The following C1QTNF8 variants were observed in gnomAD, a reference collection of about 807,000 sequenced individuals.
The protein encoded by C1QTNF8 is complement C1q tumor necrosis factor-related protein 8.
A neutral mutation model predicts 19.2 loss-of-function variants in C1QTNF8; 27 were observed. The observed-to-expected ratio is 1.41, with a 90% CI of 1.04 to 1.94. The LOEUF is 1.94. Ranked by LOEUF, C1QTNF8 falls within the 30% of genes most tolerant of loss-of-function variation. The pLI is 0.00. For missense variants in C1QTNF8, 484 were observed against 374.4 expected (o/e 1.29, Z -2.42); for synonymous variants, 208 against 172.8 (o/e 1.20, Z -1.60).
chr16:1,092,332 C>A (rs545402047), intron 4 of C1QTNF8, among the ~76,000 whole-genome samples: 11 of 146,156 alleles, frequency 7.5e-5, no homozygotes, highest in East Asian at 2.1e-4. Flanking sequence ...TCAATCAATC[C>A]CTGCACACAG....
chr16:1,091,801 G>T (rs964076615), intron 4 of C1QTNF8, among the ~76,000 whole-genome samples: 1 of 152,090 alleles, frequency 6.6e-6, no homozygotes, highest in Non-Finnish European at 1.5e-5. Flanking sequence ...GCTCAGCCGC[G>T]TGTTTCCTGC....
intron 3 of C1QTNF8, chr16:1,094,456 T>C (rs1960641611): frequency 2.1e-6 from 1 of 482,754 alleles, no homozygotes; most frequent in South Asian, 3.4e-5. Flanking sequence ...GGCTGCTACT[T>C]TGGGGATCTC....
In C1QTNF8 at chr16:1,090,481, A is replaced by G. The variant is rs197059; in HGVS notation, c.*118T>C. ...GTTCTGCAGACTCTGGCCGGGCCTCAGAGCACCATCTCCCAAGGGCAGGGC... is the reference window on the plus strand; with the variant it reads ...GTTCTGCAGACTCTGGCCGGGCCTCGGAGCACCATCTCCCAAGGGCAGGGC... On this transcript the variant is annotated 3_prime_UTR_variant, in exon 5 of 5. Coordinates refer to ENST00000328449, the MANE Select transcript of C1QTNF8 (RefSeq NM_207419.3). 1 allele frequency: 152,392 copies of G among 152,426 alleles called. 76,179 individuals carry two copies. Among genetic ancestry groups the G allele is most frequent in the Middle Eastern group, 1 (294 of 294 alleles). The allele number at this position is 152,426 out of a possible 1,614,324, so 9.4% of individuals were successfully genotyped here. A position where few individuals can be genotyped will look rare whatever the true frequency, so the allele number is the denominator to read the frequency against.
At chr16:1,092,502 TGCACACAGTCGGCGCTCAACCAATCACA>T (rs1960570628) in intron 4 of C1QTNF8, among the ~76,000 whole-genome samples, 2 of 132,226 alleles carry the variant, frequency 1.5e-5, no homozygotes. Context: ...AACCAATCCC[TGCACACAGTCGGCGCTCAACCAATCACA>T]GCACACAGTC....
In C1QTNF8 at chr16:1,093,933, G is replaced by T; in HGVS notation, c.327C>A (p.Gly109=). The part of the protein sequence containing the change: ...RGQKGQVGPP[G]AACRRAYAAF... ...CGGCGTAGGCACGTCGGCACGCGGC[G>T]CCCGGCGGCCCCACCTGCCCCTTCT... is the stretch of plus-strand genomic sequence containing the variant. Residue 109 remains glycine (G), a synonymous_variant, in exon 4 of 5, where the codon GGC becomes GGA. Transcript: ENST00000328449. 1.3e-6 allele frequency: 2 copies of T among 1,500,078 alleles called. No individual in the cohort carries two copies. The highest frequency in any genetic ancestry group is 1.8e-6 in the Non-Finnish European group (2 of 1,135,646). The allele number at this position is 1,500,078 out of a possible 1,614,324, so 92.9% of individuals were successfully genotyped here.
In C1QTNF8 at chr16:1,095,320, T is replaced by C. The variant is rs552855143; in HGVS notation, c.-12+295A>G. On this transcript the variant is annotated intron_variant, in intron 2 of 4. Transcript: ENST00000328449. ...CAGAGCCCTGGGGCGTGGTGGCTGG[T>C]CTGCTCCAGGGAAAGGCCCCCCAAG... is the stretch of plus-strand genomic sequence containing the variant. Among the ~76,000 whole-genome samples, 46 of 152,266 alleles carry C rather than the reference T, an allele frequency of 3.0e-4. 1 individual carries two copies. The highest frequency in any genetic ancestry group is 1.1e-3 in the African/African-American group (45 of 41,562).
rs1199868731 is a variant in C1QTNF8 at position 1,089,972 on chromosome 16, C to T, written c.*627G>A. 1.3e-5 allele frequency: 2 copies of T among 152,474 alleles called. No homozygotes were observed. Among genetic ancestry groups the T allele is most frequent in the East Asian group, 3.9e-4 (2 of 5,180 alleles). 9.4% of individuals were successfully genotyped at this position (152,474 alleles called of 1,614,324 possible). ...CCAGGAGCAGACTCAGGCCCTGGGCCAAAGTGCAGCCTGAGGCCCCGCCCA... is the reference window on the plus strand; with the variant it reads ...CCAGGAGCAGACTCAGGCCCTGGGCTAAAGTGCAGCCTGAGGCCCCGCCCA... On this transcript the variant is annotated 3_prime_UTR_variant, in exon 5 of 5. Coordinates refer to ENST00000328449, the MANE Select transcript of C1QTNF8 (RefSeq NM_207419.3).
rs1206684396 is a variant in C1QTNF8, at chr16:1,088,830, A to G, written c.*1769T>C. ...GCCCGCCTGACCCCTGCTGCTTCTTAGTATCCGCAGCTGCAACTACCTATA... is the reference window on the plus strand; with the variant it reads ...GCCCGCCTGACCCCTGCTGCTTCTTGGTATCCGCAGCTGCAACTACCTATA... On this transcript the variant is annotated 3_prime_UTR_variant, in exon 5 of 5. Transcript: ENST00000328449. Among the ~76,000 whole-genome samples the G allele has an allele frequency of 2.9e-5, 1 of 34,958 alleles. No individual in the cohort carries two copies. Among genetic ancestry groups the G allele is most frequent in the Non-Finnish European group, 6.0e-5 (1 of 16,532 alleles). 22.9% of individuals were successfully genotyped at this position (34,958 alleles called of 152,430 possible).
At position 1,094,021 on chromosome 16, in the gene C1QTNF8, C is replaced by G. The variant is rs760589710; in HGVS notation, c.239G>C (p.Arg80Pro). Reference sequence around the variant, plus strand: ...CCCCTCTTTCCCGCTCCTGCCGGCCCGACCTCGGACGCCGGCCTCACCCTT... The same window carrying G: ...CCCCTCTTTCCCGCTCCTGCCGGCCGGACCTCGGACGCCGGCCTCACCCTT... ...GEKGEAGVRGRAGRSGKEGPP... is the reference protein window; with the variant it reads ...GEKGEAGVRGPAGRSGKEGPP... Residue 80 changes from arginine to proline, a missense_variant, in exon 4 of 5, where the codon CGG (arginine) becomes CCG (proline). By Grantham distance (103) the Arg-to-Pro change is moderately radical. Coordinates refer to ENST00000328449, the MANE Select transcript of C1QTNF8 (RefSeq NM_207419.3). The G allele has an allele frequency of 2.7e-6, 4 of 1,477,210 alleles. No homozygotes were observed. Among genetic ancestry groups the G allele is most frequent in the Non-Finnish European group, 3.5e-6 (4 of 1,131,172 alleles). 91.5% of individuals were successfully genotyped at this position (1,477,210 alleles called of 1,614,324 possible).
intron 4 of C1QTNF8, among the ~76,000 whole-genome samples, chr16:1,091,198 G>A (rs55828954): frequency 0.08 from 12,224 of 152,172 alleles, 665 homozygotes; most frequent in Middle Eastern, 0.17. Flanking sequence ...TCATCTGTTC[G>A]GCACCCATGG....
At position 1,093,941 on chromosome 16, in the gene C1QTNF8, GC is replaced by G; in HGVS notation, c.318del (p.Pro107ArgfsTer37). On this transcript the variant is annotated frameshift_variant, in exon 4 of 5. Coordinates refer to ENST00000328449, the MANE Select transcript of C1QTNF8 (RefSeq NM_207419.3). LOFTEE classifies it high-confidence loss of function. ...GCACGTCGGCACGCGGCGCCCGGCG[GC>G]CCCACCTGCCCCTTCTGGCCTCTGC... ...QGRRGQKGQV[G>X]PPGAACRRAY... 2.0e-6 allele frequency: 3 copies of G among 1,495,548 alleles called. No homozygotes were observed. Among genetic ancestry groups the G allele is most frequent in the Non-Finnish European group, 2.6e-6 (3 of 1,134,148 alleles). The allele number at this position is 1,495,548 out of a possible 1,614,324, so 92.6% of individuals were successfully genotyped here.
intron 3 of C1QTNF8, 74 bp from the exon 4 acceptor site, chr16:1,094,125 G>A: frequency 8.1e-7 from 1 of 1,227,058 alleles, no homozygotes. Context: ...ACCCAGGCCA[G>A]GGGCTGGGGC....
At chr16:1,094,958 G>C in intron 2 of C1QTNF8, 25 bp from the exon 3 acceptor site, 1 of 1,058,928 alleles carries the variant, frequency 9.4e-7, no homozygotes, top group Non-Finnish European at 1.2e-6. Flanking sequence ...AGAGGGGAGG[G>C]ACTGAGAAGG....
At position 1,089,052 on chromosome 16, in the gene C1QTNF8, A is replaced by G. The variant is rs1960490615; in HGVS notation, c.*1547T>C. ...CCTGCCACCCTGGCAGCACAGGCTCACTGGAATCACAGAGGCTGGAGACCC... is the reference window on the plus strand; with the variant it reads ...CCTGCCACCCTGGCAGCACAGGCTCGCTGGAATCACAGAGGCTGGAGACCC... On this transcript the variant is annotated 3_prime_UTR_variant, in exon 5 of 5. Transcript: ENST00000328449. Among the ~76,000 whole-genome samples the G allele has an allele frequency of 1.3e-5, 2 of 152,112 alleles. No individual in the cohort carries two copies. The highest frequency in any genetic ancestry group is 4.8e-5 in the African/African-American group (2 of 41,422).
rs1960496939 is a variant in C1QTNF8, at chr16:1,089,377, C to A, written c.*1222G>T. On this transcript the variant is annotated 3_prime_UTR_variant, in exon 5 of 5. Transcript: ENST00000328449. ...TCCTGGGGATCCCCCCAAGCAGGAA[C>A]CCCTGGAGCCGTGCAGCTGTCCTCC... is the stretch of plus-strand genomic sequence containing the variant. Among the ~76,000 whole-genome samples, 1 of 152,174 alleles carries A rather than the reference C, an allele frequency of 6.6e-6. No homozygotes were observed.
intron 4 of C1QTNF8, among the ~76,000 whole-genome samples, chr16:1,092,735 TCGGCGCTCAACCAATCACA>T (rs1960578767): frequency 1.5e-5 from 1 of 67,406 alleles, no homozygotes; most frequent in African/African-American, 5.4e-5. Flanking sequence ...CAGCACACAG[TCGGCGCTCAACCAATCACA>T]GCACACAGTC....
chr16:1,093,081 A>C (rs1960588248), intron 4 of C1QTNF8, among the ~76,000 whole-genome samples: 1 of 140,784 alleles, frequency 7.1e-6, no homozygotes, highest in Non-Finnish European at 1.6e-5. Flanking sequence ...TCGGCGCTCA[A>C]CCAATCACAG....
rs767667782 is a variant in C1QTNF8 at position 1,089,591 on chromosome 16, C to T, written c.*1008G>A. On this transcript the variant is annotated 3_prime_UTR_variant, in exon 5 of 5. Transcript: ENST00000328449. ...GTGTGGGGTGGGCGGGACGTGGCTG[C>T]AGCCTGGCTCTGCCTGCGTGGCACT... Among the ~76,000 whole-genome samples the T allele has an allele frequency of 2.6e-5, 4 of 152,218 alleles. No individual in the cohort carries two copies. In the South Asian group the frequency reaches 8.3e-4, roughly 31 times the overall value.
Position 1,094,021 on chromosome 16 carries a change from C to T in C1QTNF8, c.239G>A (p.Arg80Gln), listed in dbSNP as rs760589710. 68 of 1,477,210 alleles carry T rather than the reference C, an allele frequency of 4.6e-5. No individual in the cohort carries two copies. The Middle Eastern group carries it at 7.4e-4, about 16-fold the overall frequency. 91.5% of individuals were successfully genotyped at this position (1,477,210 alleles called of 1,614,324 possible). Reference protein sequence around the residue: ...GEKGEAGVRGRAGRSGKEGPP... With the variant: ...GEKGEAGVRGQAGRSGKEGPP... ...CCCCTCTTTCCCGCTCCTGCCGGCC[C>T]GACCTCGGACGCCGGCCTCACCCTT... Residue 80 changes from arginine to glutamine, a missense_variant, in exon 4 of 5, where the codon CGG (arginine) becomes CAG (glutamine). Physicochemically the swap from Arg to Gln is conservative, Grantham distance 43 (BLOSUM62 1). Transcript: ENST00000328449.
Sources: allele counts gnomAD v4.1 joint callset (sites outside exome capture counted in the v4.1 genomes callset), GRCh38; gene constraint gnomAD v4.1.1; transcripts MANE v1.5; gene names NCBI Gene and HGNC (gene_info 2026-07-23, HGNC 2026-07-21).